The following KNL1 variants were observed in gnomAD, a reference collection of about 807,000 sequenced individuals.
KNL1 encodes kinetochore scaffold 1.
KNL1 carries 66 observed loss-of-function variants against 201.3 expected under a neutral mutation model. That is an observed-to-expected ratio of 0.33 (90% CI 0.27 to 0.40). The LOEUF is 0.40. Among genes scored for constraint, KNL1 ranks in the 10% least tolerant of loss-of-function variants. KNL1 has a pLI of 1.00. For missense variants in KNL1, 2,815 were observed against 2,690.5 expected (o/e 1.05, Z -1.02); for synonymous variants, 895 against 899.2 (o/e 1.00, Z 0.08).
intron 14 of KNL1, among the ~76,000 whole-genome samples, chr15:40,644,408 A>G (rs6492958): frequency 0.86 from 130,171 of 152,210 alleles, 56,475 homozygotes; most frequent in African/African-American, 0.94. Flanking sequence ...TGTACAATCG[A>G]GTTTTATACA....
In KNL1 at chr15:40,606,356, C is replaced by T. The variant is rs368189927; in HGVS notation, c.76-37C>T. 34 of 1,265,284 alleles carry T rather than the reference C, an allele frequency of 2.7e-5. No individual in the cohort carries two copies. The African/African-American group carries it at 4.7e-4, about 17-fold the overall frequency. 78.4% of individuals were successfully genotyped at this position (1,265,284 alleles called of 1,614,324 possible). ...AATAAACTGATTCTTAATAGATATG[C>T]CAGATTTTTTTTGAATAATTCTAAT... On this transcript the variant is annotated intron_variant, in intron 3 of 25. Coordinates refer to ENST00000399668, the MANE Select transcript of KNL1 (RefSeq NM_144508.5).
chr15:40,614,914 T>G (rs1251885826), intron 7 of KNL1, among the ~76,000 whole-genome samples: 1 of 152,174 alleles, frequency 6.6e-6, no homozygotes, highest in Non-Finnish European at 1.5e-5. Context: ...GTTTATTTTT[T>G]TGAGATGGGG....
intron 16 of KNL1, chr15:40,646,624 A>G (rs921569185): frequency 2.6e-5 from 4 of 154,122 alleles, no homozygotes; most frequent in South Asian, 4.0e-4. Flanking sequence ...TTGGGAGGCC[A>G]AGGCGGGCGG....
chr15:40,618,500 A>T (rs182585952), intron 8 of KNL1, among the ~76,000 whole-genome samples: 4 of 152,168 alleles, frequency 2.6e-5, no homozygotes, highest in Non-Finnish European at 5.9e-5. Flanking sequence ...ACTATCCAGG[A>T]AATAAAAATA....
intron 7 of KNL1, among the ~76,000 whole-genome samples, chr15:40,612,812 T>A (rs1892214915): frequency 6.6e-6 from 1 of 152,088 alleles, no homozygotes; most frequent in Admixed American, 6.6e-5. Context: ...CCACTGTGCC[T>A]GGCCTAAAAA....
chr15:40,605,737 A>G (rs557609447), intron 3 of KNL1, among the ~76,000 whole-genome samples: 1 of 152,340 alleles, frequency 6.6e-6, no homozygotes, highest in East Asian at 1.9e-4. Context: ...GGCGTGAGCC[A>G]CTGTGCCCAG....
chr15:40,657,965 T>A (rs7168873), intron 24 of KNL1, among the ~76,000 whole-genome samples: 119,329 of 151,956 alleles, frequency 0.79, 47,836 homozygotes, highest in Non-Finnish European at 0.85. Context: ...TATAGTAAGT[T>A]CTTGGTCAAG....
Position 40,623,773 on chromosome 15 carries a change from A to G in KNL1, c.3509A>G (p.His1170Arg), listed in dbSNP as rs980004241. 1.2e-6 allele frequency: 2 copies of G among 1,614,024 alleles called. No individual in the cohort carries two copies. The highest frequency in any genetic ancestry group is 1.1e-5 in the South Asian group (1 of 91,078). Residue 1170 changes from histidine (H) to arginine (R), a missense_variant, in exon 10 of 26, where the codon CAT becomes CGT. Transcript: ENST00000399668. Reference sequence around the variant, plus strand: ...AGTGATCTGGAAGTCACCGATTCCCATACTGTTTTCATTGACTGTCAAGCC... The same window carrying G: ...AGTGATCTGGAAGTCACCGATTCCCGTACTGTTTTCATTGACTGTCAAGCC... ...NYSDLEVTDS[H>R]TVFIDCQATE...
rs1283644741 is a variant in KNL1, at chr15:40,624,492, C to G, written c.4228C>G (p.Leu1410Val). Residue 1410 changes from leucine (L) to valine (V), a missense_variant, in exon 10 of 26, where the codon CTG becomes GTG. By Grantham distance (32) the Leu-to-Val change is conservative. Transcript: ENST00000399668. ...TCAAACTTTAGTATATAGTCAAGATCTGGGGGAGATGACTAAACTTAATTC... is the reference window on the plus strand; with the variant it reads ...TCAAACTTTAGTATATAGTCAAGATGTGGGGGAGATGACTAAACTTAATTC... ...ANQTLVYSQD[L>V]GEMTKLNSKR... 6.2e-7 allele frequency: 1 copy of G among 1,613,712 alleles called. No homozygotes were observed. Among genetic ancestry groups the G allele is most frequent in the Non-Finnish European group, 8.5e-7 (1 of 1,179,846 alleles).
intron 1 of KNL1, among the ~76,000 whole-genome samples, chr15:40,594,960 T>A (rs1891581722): frequency 6.6e-6 from 1 of 152,256 alleles, no homozygotes; most frequent in African/African-American, 2.4e-5. Context: ...AATTAGTTTT[T>A]AAAAATCCTC....
At chr15:40,629,626 C>T (rs943238056) in intron 13 of KNL1, among the ~76,000 whole-genome samples, 6 of 150,844 alleles carry the variant, frequency 4.0e-5, no homozygotes, top group African/African-American at 1.5e-4. Context: ...GTCTCAGCCT[C>T]CTGAGTAGCT....
At chr15:40,655,590 C>CAA (rs67088116) in intron 22 of KNL1, among the ~76,000 whole-genome samples, 7 of 90,852 alleles carry the variant, frequency 7.7e-5, no homozygotes, top group East Asian at 3.7e-4. Context: ...GGCTCCATCT[C>CAA]AAAAAAAAAA....
intron 25 of KNL1, among the ~76,000 whole-genome samples, chr15:40,660,499 T>C (rs944018716): frequency 7.9e-5 from 12 of 151,560 alleles, no homozygotes; most frequent in African/African-American, 2.9e-4. Context: ...ACCCCGCCTC[T>C]ACTAAAAATA....
intron 20 of KNL1, 141 bp downstream of exon 20, chr15:40,651,713 C>G: frequency 1.7e-6 from 1 of 604,270 alleles, no homozygotes; most frequent in Middle Eastern, 2.8e-4. Flanking sequence ...TCAGTGTACT[C>G]AACAGTAAGC....
chr15:40,625,357 C>T lies in KNL1; in HGVS notation c.5093C>T (p.Ser1698Phe). 1.9e-6 allele frequency: 3 copies of T among 1,614,068 alleles called. No individual in the cohort carries two copies. Among genetic ancestry groups the T allele is most frequent in the Non-Finnish European group, 2.5e-6 (3 of 1,179,982 alleles). Reference protein sequence around the residue: ...PVSSKDSGIGSVAGKLNLSPS... With the variant: ...PVSSKDSGIGFVAGKLNLSPS... ...TCTAGCAAAGATTCAGGCATTGGAT[C>T]TGTTGCAGGTAAACTGAACCTAAGT... The change falls in exon 10 of 26, where the codon TCT becomes TTT. Residue 1698 changes from serine to phenylalanine, a missense_variant. Ser to Phe is a radical substitution (Grantham distance 155). Coordinates refer to ENST00000399668, the MANE Select transcript of KNL1 (RefSeq NM_144508.5).
At chr15:40,642,157 T>C (rs149082582) in intron 14 of KNL1, among the ~76,000 whole-genome samples, 281 of 152,334 alleles carry the variant, frequency 1.8e-3, no homozygotes, top group Non-Finnish European at 3.4e-3. Context: ...CCCAGCACTT[T>C]GGGAGGCTGA....
intron 13 of KNL1, among the ~76,000 whole-genome samples, chr15:40,638,470 C>G (rs1438884758): frequency 6.6e-6 from 1 of 152,132 alleles, no homozygotes; most frequent in South Asian, 2.1e-4. Context: ...CCACTGTGCC[C>G]AGGTCTGCCA....
At chr15:40,658,561 C>CAAAAAAAAAAAAAAA (rs35180053) in intron 24 of KNL1, among the ~76,000 whole-genome samples, 3 of 74,168 alleles carry the variant, frequency 4.0e-5, no homozygotes, top group Non-Finnish European at 7.3e-5. Flanking sequence ...GAATCTGTCT[C>CAAAAAAAAAAAAAAA]AAAAAAAAAA....
chr15:40,646,789 G>A (rs917373008), intron 16 of KNL1, 198 bp from the exon 17 acceptor site: 69 of 331,714 alleles, frequency 2.1e-4, no homozygotes, highest in Non-Finnish European at 2.4e-4. Context: ...CCCGGGAGGC[G>A]GAGCTTGCAA....
Sources: allele counts gnomAD v4.1 joint callset (sites outside exome capture counted in the v4.1 genomes callset), GRCh38; gene constraint gnomAD v4.1.1; transcripts MANE v1.5; gene names NCBI Gene and HGNC (gene_info 2026-07-23, HGNC 2026-07-21).